The following KIF6 variants were observed in gnomAD, a reference collection of about 807,000 sequenced individuals.
KIF6 encodes the protein kinesin family member 6, also known as kinesin-like protein KIF6.
In KIF6, 106 loss-of-function variants were observed where a neutral mutation model predicts 112.7. That is an observed-to-expected ratio of 0.94 (90% CI 0.80 to 1.11). The LOEUF is 1.11. Among genes scored for constraint, KIF6 ranks in the 50% least tolerant of loss-of-function variants. KIF6 has a pLI of 0.00. For missense variants in KIF6, 929 were observed against 964.0 expected (o/e 0.96, Z 0.48); for synonymous variants, 339 against 339.9 (o/e 1.00, Z 0.03).
chr6:39,586,346 A>G lies in KIF6; in HGVS notation c.905T>C (p.Met302Thr), dbSNP rs763762810. 1.2e-6 allele frequency: 2 copies of G among 1,613,960 alleles called. No homozygotes were observed. The highest frequency in any genetic ancestry group is 1.7e-5 in the Admixed American group (1 of 60,012). ...CAAACTGTCTCTTAGGACACTGGTC[A>G]TCATGGAGTTTCTATAAGGAATGTG... is the stretch of plus-strand genomic sequence containing the variant. ...RSHIPYRNSM[M>T]TSVLRDSLGG... The change falls in exon 8 of 23, where the codon ATG (methionine) becomes ACG (threonine). Residue 302 changes from methionine (M) to threonine (T), a missense_variant. By Grantham distance (81) the Met-to-Thr change is moderately conservative. Coordinates refer to ENST00000287152, the MANE Select transcript of KIF6 (RefSeq NM_145027.6).
chr6:39,603,573 C>T (rs1004079976), intron 6 of KIF6, among the ~76,000 whole-genome samples: 1 of 151,260 alleles, frequency 6.6e-6, no homozygotes, highest in African/African-American at 2.4e-5. Context: ...TGTGTCCAGC[C>T]ATTTTTAGTA....
intron 13 of KIF6, among the ~76,000 whole-genome samples, chr6:39,472,863 CT>C (rs111676822): frequency 0.034 from 4,938 of 143,298 alleles, 190 homozygotes; most frequent in African/African-American, 0.088. Flanking sequence ...TGTACATTTT[CT>C]TTTTTTTTTT....
At position 39,545,452 on chromosome 6, in the gene KIF6, C is replaced by T; in HGVS notation, c.1287+131G>A. 1.2e-5 allele frequency: 7 copies of T among 608,614 alleles called. No homozygotes were observed. In the Middle Eastern group the frequency reaches 1.4e-3, roughly 119 times the overall value. The allele number at this position is 608,614 out of a possible 1,614,324, so 37.7% of individuals were successfully genotyped here. On this transcript the variant is annotated intron_variant, in intron 11 of 22. Coordinates refer to ENST00000287152, the MANE Select transcript of KIF6 (RefSeq NM_145027.6). ...CTCAGTGATAATCATACTATTGATT[C>T]AAAGATCGTACCATTTTCTGGACAT...
At chr6:39,709,953 T>C (rs1485658822) in intron 3 of KIF6, among the ~76,000 whole-genome samples, 2 of 152,248 alleles carry the variant, frequency 1.3e-5, no homozygotes, top group African/African-American at 4.8e-5. Flanking sequence ...AATGACACTT[T>C]ATTTTATCAG....
At chr6:39,581,767 C>T (rs1043296619) in intron 9 of KIF6, among the ~76,000 whole-genome samples, 1 of 152,092 alleles carries the variant, frequency 6.6e-6, no homozygotes, top group Middle Eastern at 3.4e-3. Flanking sequence ...AATCTCTATT[C>T]CTTTGCTACA....
At chr6:39,724,622 G>C (rs1790427201) in intron 1 of KIF6, among the ~76,000 whole-genome samples, 1 of 152,146 alleles carries the variant, frequency 6.6e-6, no homozygotes, top group South Asian at 2.1e-4. Context: ...CTTTGGGTCA[G>C]GATGCTTAAG....
chr6:39,439,520 G>A (rs1229887716), intron 13 of KIF6, among the ~76,000 whole-genome samples: 1 of 152,128 alleles, frequency 6.6e-6, no homozygotes, highest in Non-Finnish European at 1.5e-5. Flanking sequence ...TAAGTTGGAT[G>A]GAAAATATTT....
At chr6:39,637,395 CAT>C (rs768887769) in intron 4 of KIF6, among the ~76,000 whole-genome samples, 13 of 152,060 alleles carry the variant, frequency 8.5e-5, no homozygotes, top group East Asian at 1.9e-4. Context: ...ATGTAACACA[CAT>C]GTTTCCTGCA....
intron 13 of KIF6, among the ~76,000 whole-genome samples, chr6:39,506,208 T>C (rs1245372565): frequency 2.0e-5 from 3 of 152,206 alleles, no homozygotes; most frequent in Non-Finnish European, 4.4e-5. Flanking sequence ...TGCAGGGACA[T>C]GGATGGAGCT....
intron 5 of KIF6, among the ~76,000 whole-genome samples, chr6:39,618,084 C>T (rs769197641): frequency 6.6e-6 from 1 of 152,132 alleles, no homozygotes. Context: ...AGATTGATTA[C>T]AACTTTCTAA....
intron 13 of KIF6, among the ~76,000 whole-genome samples, chr6:39,453,297 C>T (rs1427135232): frequency 6.6e-6 from 1 of 152,156 alleles, no homozygotes; most frequent in Non-Finnish European, 1.5e-5. Context: ...TAACACTGCC[C>T]AGGACCACAG....
chr6:39,519,310 G>A (rs1000527464), intron 13 of KIF6, among the ~76,000 whole-genome samples: 12 of 152,146 alleles, frequency 7.9e-5, no homozygotes, highest in African/African-American at 2.9e-4. Context: ...CAAATGACTA[G>A]GCTCTAGGAA....
intron 13 of KIF6, among the ~76,000 whole-genome samples, chr6:39,516,243 A>G (rs1042030228): frequency 6.6e-6 from 1 of 151,988 alleles, no homozygotes; most frequent in African/African-American, 2.4e-5. Context: ...GAATAAATGA[A>G]TTTATGAAAA....
At chr6:39,616,354 C>T (rs746319967) in intron 5 of KIF6, among the ~76,000 whole-genome samples, 17 of 152,154 alleles carry the variant, frequency 1.1e-4, no homozygotes, top group African/African-American at 2.4e-4. Flanking sequence ...ATAGAACTCT[C>T]GGCTATCTTT....
intron 15 of KIF6, among the ~76,000 whole-genome samples, chr6:39,411,742 C>G (rs907027536): frequency 3.3e-5 from 5 of 152,172 alleles, no homozygotes; most frequent in African/African-American, 1.2e-4. Flanking sequence ...CCTTGTGAGG[C>G]TTAATTGTGA....
chr6:39,700,709 T>A (rs1203942447), intron 3 of KIF6, among the ~76,000 whole-genome samples: 3 of 89,168 alleles, frequency 3.4e-5, no homozygotes, highest in Admixed American at 1.6e-4. Flanking sequence ...ATGGTATCCA[T>A]AATTTTAATT....
At chr6:39,391,188 A>C (rs971474093) in intron 15 of KIF6, among the ~76,000 whole-genome samples, 3 of 152,234 alleles carry the variant, frequency 2.0e-5, no homozygotes, top group African/African-American at 7.2e-5. Flanking sequence ...TCTGAAGACC[A>C]GAAGTAGGAC....
rs1762871291 is a variant in KIF6, at chr6:39,335,177, T to G, written c.*1355A>C. 6.6e-6 allele frequency: 1 copy of G among 152,000 alleles called. No homozygotes were observed. Among genetic ancestry groups the G allele is most frequent in the Non-Finnish European group, 1.5e-5 (1 of 68,010 alleles). The allele number at this position is 152,000 out of a possible 1,614,324, so 9.4% of individuals were successfully genotyped here. A position where few individuals can be genotyped will look rare whatever the true frequency, so the allele number is the denominator to read the frequency against. ...TAGGCAAGTTCGGAAGGATAACATG[T>G]CAGATAGTGATGCAGAAAAAATGGT... On this transcript the variant is annotated 3_prime_UTR_variant, in exon 23 of 23. Transcript: ENST00000287152.
rs959491353 is a variant in KIF6, at chr6:39,331,406, A to G, written c.*5126T>C. On this transcript the variant is annotated 3_prime_UTR_variant, in exon 23 of 23. Coordinates refer to ENST00000287152, the MANE Select transcript of KIF6 (RefSeq NM_145027.6). ...CCTCTCTTTTTTTTTTTTTCAGAGAAGGAGTCTCGCTCTTGTTGCCCAGGT... is the reference window on the plus strand; with the variant it reads ...CCTCTCTTTTTTTTTTTTTCAGAGAGGGAGTCTCGCTCTTGTTGCCCAGGT... 13 of 150,522 alleles carry G rather than the reference A, an allele frequency of 8.6e-5. No individual in the cohort carries two copies. Among genetic ancestry groups the G allele is most frequent in the African/African-American group, 3.2e-4 (13 of 40,642 alleles). 9.3% of individuals were successfully genotyped at this position (150,522 alleles called of 1,614,324 possible).
Sources: allele counts gnomAD v4.1 joint callset (sites outside exome capture counted in the v4.1 genomes callset), GRCh38; gene constraint gnomAD v4.1.1; transcripts MANE v1.5; gene names NCBI Gene and HGNC (gene_info 2026-07-23, HGNC 2026-07-21).